Variants in PDZRN3 observed in about 807,000 individuals in gnomAD.
PDZRN3 encodes the protein E3 ubiquitin-protein ligase PDZRN3.
PDZRN3 carries 38 observed loss-of-function variants against 85.7 expected under a neutral mutation model. The observed-to-expected ratio is 0.44, with a 90% CI of 0.34 to 0.58. The LOEUF is 0.58. PDZRN3 is among the 20% of genes least tolerant of loss of function. The pLI is 0.01. For missense variants in PDZRN3, 1,629 were observed against 1,506.4 expected, an observed-to-expected ratio of 1.08 and a Z score of -1.35; for synonymous variants, 759 against 638.0, an observed-to-expected ratio of 1.19 and a Z score of -2.86.
intron 3 of PDZRN3, among the ~76,000 whole-genome samples, chr3:73,552,309 C>CT (rs372385110): frequency 6.7e-4 from 101 of 151,678 alleles, no homozygotes; most frequent in African/African-American, 2.3e-3. Context: ...TATACATAAT[C>CT]ACTATTATAC....
At chr3:73,582,498 A>C (rs1254709815) in intron 3 of PDZRN3, among the ~76,000 whole-genome samples, 1 of 152,078 alleles carries the variant, frequency 6.6e-6, no homozygotes, top group African/African-American at 2.4e-5. Flanking sequence ...AACAAAATGT[A>C]TATTTTATAT....
chr3:73,383,244 T>TG lies in PDZRN3; in HGVS notation c.*120dup. 1 of 934,988 alleles carries TG rather than the reference T, an allele frequency of 1.1e-6. No individual in the cohort carries two copies. The highest frequency in any genetic ancestry group is 2.5e-5 in the Admixed American group (1 of 40,262). 57.9% of individuals were successfully genotyped at this position (934,988 alleles called of 1,614,324 possible). ...CCCAGAGTTGTAGGGTTTGCAAATT[T>TG]GGACTATAAACATGAAGACCGTACT... On this transcript the variant is annotated 3_prime_UTR_variant, in exon 10 of 10. Coordinates refer to ENST00000263666, the MANE Select transcript of PDZRN3 (RefSeq NM_015009.3).
rs1354580254 is a variant in PDZRN3 at position 73,624,530 on chromosome 3, G to C, written c.296C>G (p.Pro99Arg). ...GAAGTCGCAGCGCTCGAGGTGCTCC[G>C]GCAGCTGCTGCAGCTTGACCACCCG... Reference protein sequence around the residue: ...CGRVVKLQQLPEHLERCDFAP... With the variant: ...CGRVVKLQQLREHLERCDFAP... The change falls in exon 1 of 10, where the codon CCG (proline) becomes CGG (arginine). Residue 99 changes from proline (P) to arginine (R), a missense_variant. Coordinates refer to ENST00000263666, the MANE Select transcript of PDZRN3 (RefSeq NM_015009.3). 1 of 1,479,006 alleles carries C rather than the reference G, an allele frequency of 6.8e-7. No individual in the cohort carries two copies. The highest frequency in any genetic ancestry group is 8.9e-7 in the Non-Finnish European group (1 of 1,121,030). The allele number at this position is 1,479,006 out of a possible 1,614,324, so 91.6% of individuals were successfully genotyped here. A position where few individuals can be genotyped will look rare whatever the true frequency, so the allele number is the denominator to read the frequency against.
chr3:73,399,089 G>A (rs1382325713), intron 5 of PDZRN3, among the ~76,000 whole-genome samples: 2 of 152,112 alleles, frequency 1.3e-5, no homozygotes, highest in African/African-American at 4.8e-5. Flanking sequence ...GCGGGGGGCT[G>A]TAGGTTCCAT....
intron 3 of PDZRN3, among the ~76,000 whole-genome samples, chr3:73,411,948 G>A (rs943887478): frequency 6.6e-6 from 1 of 152,118 alleles, no homozygotes; most frequent in African/African-American, 2.4e-5. Context: ...CTCACACAAG[G>A]GAAGTACAGC....
At chr3:73,539,812 A>ATT (rs1704872395) in intron 3 of PDZRN3, among the ~76,000 whole-genome samples, 1 of 152,150 alleles carries the variant, frequency 6.6e-6, no homozygotes, top group Non-Finnish European at 1.5e-5. Context: ...CAGACTTAGT[A>ATT]TTTATTCCTG....
intron 3 of PDZRN3, among the ~76,000 whole-genome samples, chr3:73,467,766 T>A (rs1011898731): frequency 6.6e-6 from 1 of 152,200 alleles, no homozygotes; most frequent in African/African-American, 2.4e-5. Context: ...ATGACAAGCA[T>A]TACTGATTTT....
chr3:73,417,113 A>T (rs4677279), intron 3 of PDZRN3, among the ~76,000 whole-genome samples: 1 of 151,864 alleles, frequency 6.6e-6, no homozygotes, highest in Non-Finnish European at 1.5e-5. Flanking sequence ...AACTCCTGCC[A>T]TGGCCTCCCA....
intron 3 of PDZRN3, among the ~76,000 whole-genome samples, chr3:73,508,701 G>C (rs866806886): frequency 6.6e-6 from 1 of 152,126 alleles, no homozygotes; most frequent in African/African-American, 2.4e-5. Context: ...TGTAAACAGG[G>C]TCTTTCATTT....
intron 3 of PDZRN3, among the ~76,000 whole-genome samples, chr3:73,439,623 T>C (rs986285229): frequency 2.0e-5 from 3 of 152,198 alleles, no homozygotes; most frequent in Admixed American, 1.3e-4. Flanking sequence ...GATGTCAGAA[T>C]GCACACACAA....
intron 3 of PDZRN3, among the ~76,000 whole-genome samples, chr3:73,581,035 A>T (rs1200325653): frequency 6.6e-6 from 1 of 152,200 alleles, no homozygotes; most frequent in East Asian, 1.9e-4. Context: ...TTTGGGGAGG[A>T]GGGATACATT....
intron 1 of PDZRN3, among the ~76,000 whole-genome samples, chr3:73,614,011 G>A (rs1196035462): frequency 2.0e-5 from 3 of 152,136 alleles, no homozygotes; most frequent in Non-Finnish European, 4.4e-5. Context: ...AAGTGCCTAA[G>A]CCAAGTCACA....
intron 3 of PDZRN3, among the ~76,000 whole-genome samples, chr3:73,413,726 A>G (rs934467747): frequency 1.3e-5 from 2 of 152,160 alleles, no homozygotes; most frequent in African/African-American, 4.8e-5. Flanking sequence ...GTGAGGGTGT[A>G]GTGAAAAGGG....
chr3:73,512,160 G>C (rs1181265651), intron 3 of PDZRN3, among the ~76,000 whole-genome samples: 1 of 152,198 alleles, frequency 6.6e-6, no homozygotes, highest in Non-Finnish European at 1.5e-5. Flanking sequence ...AGTTGCTCTG[G>C]CATTAGCAGG....
At chr3:73,572,488 C>T (rs1408213678) in intron 3 of PDZRN3, among the ~76,000 whole-genome samples, 3 of 152,168 alleles carry the variant, frequency 2.0e-5, no homozygotes, top group Non-Finnish European at 2.9e-5. Flanking sequence ...CTACCCTGGG[C>T]CTTAAAACTT....
chr3:73,478,696 G>T (rs1191886098), intron 3 of PDZRN3, among the ~76,000 whole-genome samples: 2 of 152,166 alleles, frequency 1.3e-5, no homozygotes, highest in Non-Finnish European at 2.9e-5. Flanking sequence ...TGCCAAGAAG[G>T]TTGGGGACCA....
At chr3:73,602,512 A>G (rs372043247) in intron 2 of PDZRN3, 51 bp from the exon 3 acceptor site, 1 of 938,350 alleles carries the variant, frequency 1.1e-6, no homozygotes, top group Non-Finnish European at 1.7e-6. Flanking sequence ...TAAGTTGAGC[A>G]TGAAAGTAAA....
chr3:73,499,519 GTAA>G (rs1703934546), intron 3 of PDZRN3, among the ~76,000 whole-genome samples: 1 of 152,158 alleles, frequency 6.6e-6, no homozygotes, highest in Non-Finnish European at 1.5e-5. Flanking sequence ...TACTATTCGT[GTAA>G]GGCTCCAGGG....
chr3:73,441,754 C>A lies in PDZRN3; in HGVS notation c.919-37359G>T, dbSNP rs892439341. 5.3e-5 allele frequency among the ~76,000 whole-genome samples: 8 copies of A among 152,164 alleles called. No homozygotes were observed. The South Asian group carries it at 8.3e-4, about 16-fold the overall frequency. Reference sequence around the variant, plus strand: ...GAGGCGGGCAAACAGGCTTTCAAAACTGGCTTCCTGGGAAATGGCAGGGGC... The same window carrying A: ...GAGGCGGGCAAACAGGCTTTCAAAAATGGCTTCCTGGGAAATGGCAGGGGC... On this transcript the variant is annotated intron_variant, in intron 3 of 9. Coordinates refer to ENST00000263666, the MANE Select transcript of PDZRN3 (RefSeq NM_015009.3).
Sources: allele counts gnomAD v4.1 joint callset (sites outside exome capture counted in the v4.1 genomes callset), GRCh38; gene constraint gnomAD v4.1.1; transcripts MANE v1.5; gene names NCBI Gene and HGNC (gene_info 2026-07-23, HGNC 2026-07-21).